CERT1: variants seen among roughly 807,000 people sequenced by gnomAD.
The protein encoded by CERT1 is ceramide transporter 1, also known as ceramide transfer protein.
A neutral mutation model predicts 87.9 loss-of-function variants in CERT1; 31 were observed. That is an observed-to-expected ratio of 0.35 (90% CI 0.27 to 0.48). CERT1 has a LOEUF of 0.48. Ranked by LOEUF, CERT1 falls within the 20% of genes least tolerant of loss-of-function variation. The pLI is 0.99. For missense variants in CERT1, 487 were observed against 758.0 expected (o/e 0.64, Z 4.20); for synonymous variants, 289 against 250.9 (o/e 1.15, Z -1.44).
At chr5:75,388,951 C>T (rs1301168065) in intron 12 of CERT1, among the ~76,000 whole-genome samples, 5 of 152,020 alleles carry the variant, frequency 3.3e-5, no homozygotes, top group African/African-American at 1.2e-4. Context: ...TGTCAATATT[C>T]TTTTTCCTTA....
At chr5:75,377,171 G>C (rs1387972847), downstream of CERT1, 3 of 152,156 alleles carry the variant, frequency 2.0e-5, no homozygotes, top group African/African-American at 7.2e-5. Flanking sequence ...CATAAGAAGA[G>C]GAATACAATT....
intron 3 of CERT1, among the ~76,000 whole-genome samples, chr5:75,429,058 G>A (rs964393301): frequency 3.3e-5 from 5 of 151,442 alleles, no homozygotes; most frequent in South Asian, 2.1e-4. Flanking sequence ...TGGATTTTCC[G>A]CTTCTCAGAT....
chr5:75,476,523 G>T (rs576979956), intron 2 of CERT1, among the ~76,000 whole-genome samples: 1 of 152,138 alleles, frequency 6.6e-6, no homozygotes, highest in Admixed American at 6.5e-5. Flanking sequence ...TATATTCATT[G>T]TTTAGCTGTT....
chr5:75,423,616 C>T (rs1338127641), intron 5 of CERT1, among the ~76,000 whole-genome samples: 1 of 152,130 alleles, frequency 6.6e-6, no homozygotes, highest in Non-Finnish European at 1.5e-5. Flanking sequence ...CGGTGTATGC[C>T]TGTAGTCCTA....
intron 3 of CERT1, among the ~76,000 whole-genome samples, chr5:75,431,830 G>C (rs953964222): frequency 2.0e-5 from 3 of 151,936 alleles, no homozygotes; most frequent in African/African-American, 7.3e-5. Flanking sequence ...TGGGCATTTA[G>C]GTTCATTCCA....
intron 1 of CERT1, among the ~76,000 whole-genome samples, chr5:75,510,260 G>A (rs1445183963): frequency 2.0e-5 from 3 of 151,842 alleles, no homozygotes; most frequent in African/African-American, 7.3e-5. Context: ...AAGTCAAAAA[G>A]GCTACGTGAA....
chr5:75,370,133 T>C (rs1355492295), intron 17 of CERT1: 1 of 152,224 alleles, frequency 6.6e-6, no homozygotes, highest in East Asian at 1.9e-4. Flanking sequence ...TATTTCTCTG[T>C]CATCAAATTC....
intron 2 of CERT1, among the ~76,000 whole-genome samples, chr5:75,466,362 C>A (rs1450727909): frequency 6.6e-6 from 1 of 152,296 alleles, no homozygotes; most frequent in Middle Eastern, 3.4e-3. Flanking sequence ...ATCTAGATAC[C>A]TCAGAGATGC....
chr5:75,471,587 C>T (rs775769672), intron 2 of CERT1, among the ~76,000 whole-genome samples: 1 of 151,684 alleles, frequency 6.6e-6, no homozygotes, highest in Non-Finnish European at 1.5e-5. Flanking sequence ...GGTGAAACCC[C>T]ATCTCTACTG....
In CERT1 at chr5:75,395,962, A is replaced by G. The variant is rs534756233; in HGVS notation, c.1188+3348T>C. Among the ~76,000 whole-genome samples the G allele has an allele frequency of 2.5e-3, 378 of 152,336 alleles. 1 individual carries two copies. The highest frequency in any genetic ancestry group is 3.4e-3 in the Non-Finnish European group (231 of 68,016). ...ACTTTAATTTCTCAGATCTGGAGTG[A>G]CTTCATTCCTAATATCTGCCCATCA... On this transcript the variant is annotated intron_variant, in intron 11 of 16. Coordinates refer to ENST00000643780, the MANE Select transcript of CERT1 (RefSeq NM_001379029.1).
rs373192838 is a variant in CERT1, at chr5:75,398,778, A to C, written c.1188+532T>G. Among the ~76,000 whole-genome samples the C allele has an allele frequency of 6.6e-4, 101 of 152,328 alleles. 1 individual carries two copies. The highest frequency in any genetic ancestry group is 2.4e-3 in the African/African-American group (98 of 41,578). On this transcript the variant is annotated intron_variant, in intron 11 of 16. Coordinates refer to ENST00000643780, the MANE Select transcript of CERT1 (RefSeq NM_001379029.1). ...CAAATTTCCATAGATTTAGCATATGAACAGAAATATTCATTTATAATATCC... is the reference window on the plus strand; with the variant it reads ...CAAATTTCCATAGATTTAGCATATGCACAGAAATATTCATTTATAATATCC...
At chr5:75,384,506 T>A in intron 14 of CERT1, 136 bp downstream of exon 14, 1 of 604,282 alleles carries the variant, frequency 1.7e-6, no homozygotes, top group Non-Finnish European at 2.9e-6. Context: ...ATACATGACA[T>A]TCATGAATCA....
In CERT1 at chr5:75,507,672, TACAA is replaced by T. The variant is rs575764701; in HGVS notation, c.97-1560_97-1557del. On this transcript the variant is annotated intron_variant, in intron 1 of 16. Transcript: ENST00000643780. ...CTGCTCAGAGTTAGTGTATTAGATA[TACAA>T]ACAGATTAGTGGATATAGGATAAAA... Among the ~76,000 whole-genome samples the T allele has an allele frequency of 3.3e-3, 496 of 152,328 alleles. 3 individuals are homozygous for T. The highest frequency in any genetic ancestry group is 7.6e-3 in the Admixed American group (117 of 15,306).
chr5:75,475,705 T>TC (rs1765924983), intron 2 of CERT1, among the ~76,000 whole-genome samples: 1 of 152,062 alleles, frequency 6.6e-6, no homozygotes, highest in African/African-American at 2.4e-5. Flanking sequence ...CTTTTTTTTT[T>TC]CTTTTTCCAA....
At chr5:75,467,368 G>A (rs768581524) in intron 2 of CERT1, among the ~76,000 whole-genome samples, 2 of 152,146 alleles carry the variant, frequency 1.3e-5, no homozygotes, top group African/African-American at 2.4e-5. Context: ...GAAGCCGGAC[G>A]TGGTAGCTCA....
At position 75,379,136 on chromosome 5, in the gene CERT1, G is replaced by GGT; in HGVS notation, c.*208_*209dup. 1 of 490,374 alleles carries GGT rather than the reference G, an allele frequency of 2.0e-6. No homozygotes were observed. The allele number at this position is 490,374 out of a possible 1,614,324, so 30.4% of individuals were successfully genotyped here. A position where few individuals can be genotyped will look rare whatever the true frequency, so the allele number is the denominator to read the frequency against. On this transcript the variant is annotated 3_prime_UTR_variant, in exon 17 of 17. Coordinates refer to ENST00000643780, the MANE Select transcript of CERT1 (RefSeq NM_001379029.1). ...GGTTGAGGTTGCAGTGAGCCGTGAT[G>GGT]GTGTCATTGCACTTCAGCTTAGGAA...
At chr5:75,500,742 C>T (rs1443835277) in intron 2 of CERT1, among the ~76,000 whole-genome samples, 3 of 152,030 alleles carry the variant, frequency 2.0e-5, no homozygotes, top group Non-Finnish European at 4.4e-5. Context: ...GAGAAAAGGC[C>T]TTCTTCTTGG....
chr5:75,507,006 T>A (rs1030917133), intron 1 of CERT1, among the ~76,000 whole-genome samples: 1 of 152,212 alleles, frequency 6.6e-6, no homozygotes, highest in Non-Finnish European at 1.5e-5. Context: ...TTCCAAAAAC[T>A]AATTAAAAAT....
intron 2 of CERT1, 69 bp from the exon 3 acceptor site, chr5:75,459,250 C>T: frequency 1.1e-6 from 1 of 873,542 alleles, no homozygotes; most frequent in East Asian, 2.4e-5. Context: ...ACCCCAAAGC[C>T]AAAACATGAA....
Sources: gnomAD v4.1 joint callset for allele counts (sites outside exome capture counted in the v4.1 genomes callset) on GRCh38, gnomAD v4.1.1 for gene constraint, MANE v1.5 for transcripts, NCBI Gene and HGNC (gene_info 2026-07-23, HGNC 2026-07-21) for gene names.